Variants in ELAVL2 observed in about 807,000 individuals in gnomAD.
ELAVL2 encodes the protein ELAV-like protein 2.
A neutral mutation model predicts 34.6 loss-of-function variants in ELAVL2; 4 were observed. The ratio of observed to expected loss-of-function variants is 0.12; its 90% confidence interval spans 0.06 to 0.26. The LOEUF is 0.26. Among genes scored for constraint, ELAVL2 ranks in the 10% least tolerant of loss-of-function variants. The pLI is 1.00. For missense variants in ELAVL2, 432 were observed against 442.8 expected (o/e 0.98, Z 0.22); for synonymous variants, 193 against 154.8 (o/e 1.25, Z -1.83).
chr9:23,799,954 C>T (rs989468817), intron 1 of ELAVL2, among the ~76,000 whole-genome samples: 1 of 152,184 alleles, frequency 6.6e-6, no homozygotes, highest in Admixed American at 6.5e-5. Flanking sequence ...TGTCCAAGGA[C>T]TCTGTGGGTG....
chr9:23,736,796 C>T (rs1049588103), intron 2 of ELAVL2, among the ~76,000 whole-genome samples: 3 of 152,152 alleles, frequency 2.0e-5, no homozygotes, highest in African/African-American at 7.2e-5. Flanking sequence ...AAACATTGTC[C>T]AGGAGAACTT....
chr9:23,849,577 C>G, the ELAVL2 span: 2 of 152,204 alleles, frequency 1.3e-5, no homozygotes, highest in African/African-American at 4.8e-5. Flanking sequence ...CTGCAAGGTT[C>G]TTTTGAAACC....
At chr9:23,842,444 C>T in the ELAVL2 span, among the ~76,000 whole-genome samples, 1 of 152,094 alleles carries the variant, frequency 6.6e-6, no homozygotes, top group Non-Finnish European at 1.5e-5. Context: ...AACCAGCCTC[C>T]CTGAGAATCT....
chr9:23,806,311 C>T (rs1564541305), intron 1 of ELAVL2, among the ~76,000 whole-genome samples: 1 of 152,076 alleles, frequency 6.6e-6, no homozygotes, highest in African/African-American at 2.4e-5. Flanking sequence ...TTTTAATCTT[C>T]ATTTTAAAGA....
chr9:23,706,551 G>A (rs956282472), intron 3 of ELAVL2, among the ~76,000 whole-genome samples: 8 of 152,060 alleles, frequency 5.3e-5, no homozygotes, highest in Admixed American at 2.6e-4. Flanking sequence ...ATTCCTGATC[G>A]CATTCCCTTT....
At chr9:23,812,153 T>A (rs565004655) in intron 1 of ELAVL2, among the ~76,000 whole-genome samples, 1 of 151,958 alleles carries the variant, frequency 6.6e-6, no homozygotes, top group Non-Finnish European at 1.5e-5. Flanking sequence ...TTCTGCCTCA[T>A]CTCCTTAGGT....
At chr9:23,697,437 C>G (rs1294198125) in intron 5 of ELAVL2, among the ~76,000 whole-genome samples, 1 of 152,106 alleles carries the variant, frequency 6.6e-6, no homozygotes, top group African/African-American at 2.4e-5. Context: ...GAAAATGAAG[C>G]CAACCAGTAT....
rs7039745 is a variant in ELAVL2, at chr9:23,709,342, G to T, written c.334-4271C>A. 1.8e-3 allele frequency among the ~76,000 whole-genome samples: 276 copies of T among 152,218 alleles called. 1 individual carries two copies. Among genetic ancestry groups the T allele is most frequent in the African/African-American group, 6.1e-3 (254 of 41,546 alleles). On this transcript the variant is annotated intron_variant, in intron 3 of 6. Transcript: ENST00000397312. ...GGGAAGAAGGCTGATAGTGGGATAA[G>T]GACTCACACTCTGGAGATCAGTTAC...
intron 1 of ELAVL2, among the ~76,000 whole-genome samples, chr9:23,783,063 C>T (rs1191236909): frequency 1.3e-5 from 2 of 152,168 alleles, no homozygotes. Flanking sequence ...TGAGAGCCCA[C>T]TTCATTTTCT....
intron 3 of ELAVL2, among the ~76,000 whole-genome samples, chr9:23,710,971 G>A (rs542270984): frequency 1.1e-4 from 16 of 152,110 alleles, no homozygotes; most frequent in Non-Finnish European, 1.8e-4. Flanking sequence ...AGGAAGATGT[G>A]TACTTTGATC....
At chr9:23,798,419 T>C (rs752317988) in intron 1 of ELAVL2, among the ~76,000 whole-genome samples, 15 of 152,180 alleles carry the variant, frequency 9.9e-5, no homozygotes, top group Non-Finnish European at 1.8e-4. Context: ...CTACGTGCCA[T>C]TTCCTTACCT....
the ELAVL2 span, among the ~76,000 whole-genome samples, chr9:23,844,987 T>A: frequency 6.6e-6 from 1 of 151,914 alleles, no homozygotes; most frequent in African/African-American, 2.4e-5. Flanking sequence ...ATAGTTCACA[T>A]TTTTCCTACC....
Position 23,692,880 on chromosome 9 carries a change from A to G in ELAVL2, c.757T>C (p.Ser253Pro). ...GTCATTCCGTCAATGGTCATTGGAG[A>G]AAACCTGCTAAACAGAATAGGAAAT... Reference protein sequence around the residue: ...LNMAYGVKRFSPMTIDGMTSL... With the variant: ...LNMAYGVKRFPPMTIDGMTSL... Residue 253 changes from serine (S) to proline (P), a missense_variant, in exon 7 of 7, where the codon TCT becomes CCT. This residue lies in a region of ELAVL2 where 295 missense variants were observed against 306.1 expected (regional missense o/e 0.96). Coordinates refer to ENST00000397312, the MANE Select transcript of ELAVL2 (RefSeq NM_004432.5). 1.2e-6 allele frequency: 2 copies of G among 1,613,310 alleles called. No individual in the cohort carries two copies. Among genetic ancestry groups the G allele is most frequent in the Non-Finnish European group, 1.7e-6 (2 of 1,179,398 alleles).
chr9:23,845,740 TAAC>T, the ELAVL2 span, among the ~76,000 whole-genome samples: 61 of 151,822 alleles, frequency 4.0e-4, no homozygotes, highest in African/African-American at 1.4e-3. Flanking sequence ...GTTATTCACT[TAAC>T]AAGATCATTA....
chr9:23,715,168 T>G (rs1299951163), intron 3 of ELAVL2, among the ~76,000 whole-genome samples: 2 of 152,104 alleles, frequency 1.3e-5, no homozygotes, highest in Admixed American at 6.5e-5. Context: ...TGCAGGAGGT[T>G]TTTCTTTTTT....
At chr9:23,777,355 C>T (rs1285864112) in intron 1 of ELAVL2, among the ~76,000 whole-genome samples, 2 of 150,086 alleles carry the variant, frequency 1.3e-5, no homozygotes, top group African/African-American at 2.5e-5. Context: ...ACTCAAATGC[C>T]ACTCTATCGC....
At chr9:23,715,029 T>C (rs879548828) in intron 3 of ELAVL2, among the ~76,000 whole-genome samples, 2 of 152,196 alleles carry the variant, frequency 1.3e-5, no homozygotes, top group Non-Finnish European at 2.9e-5. Context: ...TCAAAGCTTT[T>C]ATATTACTAT....
chr9:23,721,910 G>C (rs2043828573), intron 3 of ELAVL2, among the ~76,000 whole-genome samples: 1 of 152,152 alleles, frequency 6.6e-6, no homozygotes, highest in African/African-American at 2.4e-5. Flanking sequence ...AAGGCTTCTA[G>C]TCAACAGTAG....
chr9:23,733,542 C>G (rs140852231), intron 2 of ELAVL2, among the ~76,000 whole-genome samples: 1 of 152,216 alleles, frequency 6.6e-6, no homozygotes, highest in African/African-American at 2.4e-5. Flanking sequence ...TTCACAGTTG[C>G]GTTGTTTAGG....
Sources: gnomAD v4.1 joint callset for allele counts (sites outside exome capture counted in the v4.1 genomes callset) on GRCh38, gnomAD v4.1.1 for gene constraint, gnomAD v4.1.1 regional missense constraint, MANE v1.5 for transcripts, NCBI Gene and HGNC (gene_info 2026-07-23, HGNC 2026-07-21) for gene names.